The following DENND11 variants were observed in gnomAD, a reference collection of about 807,000 sequenced individuals.
The protein encoded by DENND11 is DENN domain containing 11.
A neutral mutation model predicts 49.2 loss-of-function variants in DENND11; 34 were observed. The observed-to-expected ratio is 0.69, with a 90% CI of 0.53 to 0.92. DENND11 has a LOEUF of 0.92. DENND11 is among the 40% of genes least tolerant of loss of function. The probability of loss-of-function intolerance (pLI) is 0.00; values close to 1 mark genes in which losing one functional copy is unlikely to be tolerated. For missense variants in DENND11, 475 were observed against 581.6 expected, an observed-to-expected ratio of 0.82 and a Z score of 1.88; for synonymous variants, 238 against 230.3, an observed-to-expected ratio of 1.03 and a Z score of -0.30.
At chr7:141,696,500 C>T (rs545618137) in intron 1 of DENND11, among the ~76,000 whole-genome samples, 6 of 152,332 alleles carry the variant, frequency 3.9e-5, no homozygotes, top group Non-Finnish European at 7.4e-5. Flanking sequence ...CAAGCAAGCA[C>T]TTCCTCCTGA....
Position 141,657,178 on chromosome 7 carries a change from C to T in DENND11, c.*5478G>A, listed in dbSNP as rs1481562477. 1 of 152,572 alleles carries T rather than the reference C, an allele frequency of 6.6e-6. No individual in the cohort carries two copies. The highest frequency in any genetic ancestry group is 1.5e-5 in the Non-Finnish European group (1 of 68,036). 9.5% of individuals were successfully genotyped at this position (152,572 alleles called of 1,614,324 possible). A position where few individuals can be genotyped will look rare whatever the true frequency, so the allele number is the denominator to read the frequency against. ...AAATGGGAAAACAGTTTTTCTAAGG[C>T]TACAACTATTTGTTTAGGCTTATTT... On this transcript the variant is annotated 3_prime_UTR_variant, in exon 9 of 9. Coordinates refer to ENST00000536163, the MANE Select transcript of DENND11 (RefSeq NM_001080392.2).
chr7:141,664,293 C>G, intron 7 of DENND11, 53 bp from the exon 8 acceptor site: 1 of 1,411,622 alleles, frequency 7.1e-7, no homozygotes, highest in Non-Finnish European at 9.8e-7. Flanking sequence ...ACCGCAGTCA[C>G]AGGTGAGGCC....
rs35125206 is a variant in DENND11, at chr7:141,674,230, A to AACACACACAC, written c.528-20_528-11dup. 1.1e-5 allele frequency: 17 copies of AACACACACAC among 1,494,612 alleles called. No homozygotes were observed. The highest frequency in any genetic ancestry group is 1.0e-4 in the African/African-American group (7 of 68,560). The allele number at this position is 1,494,612 out of a possible 1,614,324, so 92.6% of individuals were successfully genotyped here. The stretch of plus-strand genomic sequence containing the variant: ...CATCTCCAACTGGTGCCTGCAGAAA[A>AACACACACAC]ACACACACACACACACACACACACA... On this transcript the variant is annotated splice_polypyrimidine_tract_variant and intron_variant, in intron 3 of 8. Transcript: ENST00000536163.
intron 1 of DENND11, among the ~76,000 whole-genome samples, chr7:141,692,178 T>C (rs1402058154): frequency 6.6e-6 from 1 of 152,200 alleles, no homozygotes; most frequent in African/African-American, 2.4e-5. Flanking sequence ...ACAGATGTAC[T>C]TGAGAGCAAT....
rs150925766 is a variant in DENND11 at position 141,662,919 on chromosome 7, A to G, written c.1173-68T>C. ...ATAAAAAGCTCACCAGATAATCCACATATGGGGAACCAAAACTATACTGTT... is the reference window on the plus strand; with the variant it reads ...ATAAAAAGCTCACCAGATAATCCACGTATGGGGAACCAAAACTATACTGTT... On this transcript the variant is annotated intron_variant, in intron 8 of 8. Transcript: ENST00000536163. The G allele has an allele frequency of 5.0e-5, 61 of 1,215,174 alleles. No homozygotes were observed. The African/African-American group carries it at 8.1e-4, about 16-fold the overall frequency. The allele number at this position is 1,215,174 out of a possible 1,614,324, so 75.3% of individuals were successfully genotyped here. A position where few individuals can be genotyped will look rare whatever the true frequency, so the allele number is the denominator to read the frequency against.
chr7:141,692,596 A>G (rs1241265522), intron 1 of DENND11, among the ~76,000 whole-genome samples: 4 of 152,076 alleles, frequency 2.6e-5, no homozygotes, highest in African/African-American at 7.2e-5. Context: ...GAAACTAGAC[A>G]CCTACTTTAC....
At chr7:141,682,395 C>T (rs1472684540) in intron 3 of DENND11, among the ~76,000 whole-genome samples, 2 of 152,196 alleles carry the variant, frequency 1.3e-5, no homozygotes, top group East Asian at 3.8e-4. Flanking sequence ...CCCCAGAGTT[C>T]TAACTGGTCA....
chr7:141,662,499 G>C lies in DENND11; in HGVS notation c.*157C>G, dbSNP rs1284149854. 1 of 487,952 alleles carries C rather than the reference G, an allele frequency of 2.0e-6. No homozygotes were observed. The highest frequency in any genetic ancestry group is 3.4e-5 in the East Asian group (1 of 29,288). The allele number at this position is 487,952 out of a possible 1,614,324, so 30.2% of individuals were successfully genotyped here. A position where few individuals can be genotyped will look rare whatever the true frequency, so the allele number is the denominator to read the frequency against. ...GATCTCACCTTATCTCTAGGGAAAA[G>C]GGCAGAAAGGAAATTGCAAAAATTA... On this transcript the variant is annotated 3_prime_UTR_variant, in exon 9 of 9. Coordinates refer to ENST00000536163, the MANE Select transcript of DENND11 (RefSeq NM_001080392.2).
intron 3 of DENND11, among the ~76,000 whole-genome samples, chr7:141,677,423 ACAC>A: frequency 1.7e-5 from 1 of 58,872 alleles, no homozygotes; most frequent in Admixed American, 2.3e-4. Flanking sequence ...ATATATATAT[ACAC>A]ATATATATGT....
chr7:141,680,998 A>G (rs1161689279), intron 3 of DENND11, among the ~76,000 whole-genome samples: 2 of 152,206 alleles, frequency 1.3e-5, no homozygotes, highest in African/African-American at 4.8e-5. Flanking sequence ...GAGTTACTAC[A>G]GTATCAAAAA....
intron 1 of DENND11, 60 bp from the exon 2 acceptor site, chr7:141,686,718 G>A (rs1460956049): frequency 2.6e-6 from 3 of 1,175,054 alleles, no homozygotes; most frequent in East Asian, 4.9e-5. Context: ...AAATGGGTTA[G>A]TACAGGGCTT....
intron 3 of DENND11, among the ~76,000 whole-genome samples, chr7:141,684,765 G>C (rs73171613): frequency 1.3e-5 from 2 of 151,736 alleles, no homozygotes; most frequent in Non-Finnish European, 2.9e-5. Flanking sequence ...GTAACATTTT[G>C]TCAGTGCTTC....
intron 1 of DENND11, among the ~76,000 whole-genome samples, chr7:141,694,441 T>G (rs1370049550): frequency 6.6e-6 from 1 of 152,094 alleles, no homozygotes; most frequent in Non-Finnish European, 1.5e-5. Context: ...TTTAAATTTT[T>G]ATAGAGATGA....
intron 4 of DENND11, among the ~76,000 whole-genome samples, chr7:141,672,143 A>C (rs1797992387): frequency 6.6e-6 from 1 of 152,206 alleles, no homozygotes; most frequent in Non-Finnish European, 1.5e-5. Flanking sequence ...CGATCTGAGC[A>C]CTGGCTGTGC....
chr7:141,664,795 G>T, intron 7 of DENND11, 109 bp downstream of exon 7: 1 of 1,259,178 alleles, frequency 7.9e-7, no homozygotes, highest in Non-Finnish European at 1.1e-6. Context: ...CATGGAGACT[G>T]GGAGAAATGT....
At chr7:141,672,996 C>G (rs1477425912) in intron 4 of DENND11, among the ~76,000 whole-genome samples, 1 of 152,202 alleles carries the variant, frequency 6.6e-6, no homozygotes, top group East Asian at 1.9e-4. Flanking sequence ...TCTCCAATCA[C>G]TTCCCTCATG....
chr7:141,686,556 T>TA lies in DENND11; in HGVS notation c.368+2dup. Reference sequence around the variant, plus strand: ...AAGATGACTCCAGTTCAGAAGTACTTACATGAAATCAGATTGGATTTTATG... The same window carrying TA: ...AAGATGACTCCAGTTCAGAAGTACTTAACATGAAATCAGATTGGATTTTATG... On this transcript the variant is annotated splice_region_variant and intron_variant, in intron 2 of 8. Coordinates refer to ENST00000536163, the MANE Select transcript of DENND11 (RefSeq NM_001080392.2). The TA allele has an allele frequency of 6.3e-7, 1 of 1,588,156 alleles. No homozygotes were observed. The highest frequency in any genetic ancestry group is 8.6e-7 in the Non-Finnish European group (1 of 1,157,700).
At chr7:141,684,082 C>A in intron 3 of DENND11, among the ~76,000 whole-genome samples, 1 of 152,170 alleles carries the variant, frequency 6.6e-6, no homozygotes, top group East Asian at 1.9e-4. Flanking sequence ...TGCACACCAC[C>A]ATGCCTGGCT....
In DENND11 at chr7:141,675,028, C is replaced by T. The variant is rs141171467; in HGVS notation, c.528-808G>A. Among the ~76,000 whole-genome samples the T allele has an allele frequency of 2.0e-3, 306 of 152,298 alleles. 1 individual carries two copies. Among genetic ancestry groups the T allele is most frequent in the African/African-American group, 6.8e-3 (283 of 41,552 alleles). ...CCACAAAAAAGATGGGGCCCCAGCA[C>T]CTCACTCAGAATGGGACTTTTTTGG... On this transcript the variant is annotated intron_variant, in intron 3 of 8. Coordinates refer to ENST00000536163, the MANE Select transcript of DENND11 (RefSeq NM_001080392.2).
Sources: gnomAD v4.1 joint callset for allele counts (sites outside exome capture counted in the v4.1 genomes callset) on GRCh38, gnomAD v4.1.1 for gene constraint, MANE v1.5 for transcripts, NCBI Gene and HGNC (gene_info 2026-07-23, HGNC 2026-07-21) for gene names.